Variants in AK9 observed in about 807,000 individuals in gnomAD.
AK9 encodes the protein adenylate kinase 9, also known as adenylate kinase domain containing 1.
A neutral mutation model predicts 239.6 loss-of-function variants in AK9; 191 were observed. The observed-to-expected ratio is 0.80, with a 90% CI of 0.71 to 0.90. The LOEUF is 0.90. Among genes scored for constraint, AK9 ranks in the 40% least tolerant of loss-of-function variants. The probability of loss-of-function intolerance (pLI) is 0.00; values close to 1 mark genes in which losing one functional copy is unlikely to be tolerated. For missense variants in AK9, 1,995 were observed against 2,214.7 expected (o/e 0.90, Z 1.99); for synonymous variants, 689 against 721.0 (o/e 0.96, Z 0.71).
chr6:109,592,810 C>T (rs965684958), intron 17 of AK9, among the ~76,000 whole-genome samples: 7 of 151,612 alleles, frequency 4.6e-5, no homozygotes, highest in Non-Finnish European at 1.0e-4. Flanking sequence ...TTTCCCTTCA[C>T]ATTGACGTTA....
chr6:109,619,314 ATATC>A (rs2128247909), intron 12 of AK9, 78 bp from the exon 13 acceptor site: 12 of 1,347,008 alleles, frequency 8.9e-6, no homozygotes, highest in Non-Finnish European at 1.1e-5. Context: ...CTATCTATGT[ATATC>A]TATCTATATT....
intron 24 of AK9, 117 bp downstream of exon 24, chr6:109,563,480 G>C (rs918314840): frequency 1.2e-4 from 170 of 1,408,862 alleles, no homozygotes; most frequent in Non-Finnish European, 1.5e-4. Context: ...GAGGGAGAAT[G>C]TGTGTGCAAA....
intron 19 of AK9, among the ~76,000 whole-genome samples, chr6:109,583,740 A>G (rs142868963): frequency 1.3e-5 from 2 of 152,254 alleles, no homozygotes; most frequent in East Asian, 3.9e-4. Flanking sequence ...GGTAGAATTG[A>G]CAGAAAGTGG....
intron 12 of AK9, among the ~76,000 whole-genome samples, chr6:109,629,970 T>A: frequency 6.6e-6 from 1 of 152,142 alleles, no homozygotes; most frequent in Non-Finnish European, 1.5e-5. Flanking sequence ...AACCAGGTGA[T>A]GCTTTACAGG....
intron 37 of AK9, 44 bp from the exon 38 acceptor site, chr6:109,497,607 A>G: frequency 7.1e-7 from 1 of 1,412,110 alleles, no homozygotes; most frequent in Non-Finnish European, 9.9e-7. Flanking sequence ...TGTATAATTA[A>G]TATGCAGTCC....
chr6:109,496,860 G>A (rs1777087597), intron 38 of AK9, among the ~76,000 whole-genome samples: 1 of 151,996 alleles, frequency 6.6e-6, no homozygotes, highest in Non-Finnish European at 1.5e-5. Context: ...TTCCAACACG[G>A]ACCTCACTTA....
chr6:109,671,453 C>G (rs1365538303), intron 5 of AK9, among the ~76,000 whole-genome samples: 1 of 152,144 alleles, frequency 6.6e-6, no homozygotes, highest in East Asian at 1.9e-4. Context: ...GTTTCAGGTC[C>G]AGAGTCAGAG....
At chr6:109,685,949 T>A (rs1773447527) in intron 1 of AK9, among the ~76,000 whole-genome samples, 1 of 152,236 alleles carries the variant, frequency 6.6e-6, no homozygotes, top group South Asian at 2.1e-4. Context: ...TTTAACAAGC[T>A]GGTAGTCCCA....
chr6:109,634,157 TC>T (rs1316336348), intron 10 of AK9, among the ~76,000 whole-genome samples: 12 of 152,276 alleles, frequency 7.9e-5, no homozygotes, highest in African/African-American at 2.6e-4. Flanking sequence ...TCACGAGTGC[TC>T]CGCCCTCATG....
intron 1 of AK9, among the ~76,000 whole-genome samples, chr6:109,676,733 ATATT>A (rs1771808180): frequency 6.6e-6 from 1 of 152,140 alleles, no homozygotes; most frequent in South Asian, 2.1e-4. Flanking sequence ...GTATTATTAA[ATATT>A]TAGTTAAAAT....
rs537464540 is a variant in AK9, at chr6:109,658,761, C to T, written c.630+467G>A. Among the ~76,000 whole-genome samples, 4 of 151,836 alleles carry T rather than the reference C, an allele frequency of 2.6e-5. No homozygotes were observed. The South Asian group carries it at 8.3e-4, about 32-fold the overall frequency. ...TGGATATATTCAATTAAATAAAATA[C>T]ATTATTCAAATGACTTTCACTTGCT... On this transcript the variant is annotated intron_variant, in intron 7 of 40. Transcript: ENST00000424296.
intron 17 of AK9, among the ~76,000 whole-genome samples, chr6:109,586,826 G>A (rs960339802): frequency 2.0e-5 from 3 of 152,228 alleles, no homozygotes; most frequent in African/African-American, 7.2e-5. Flanking sequence ...AATTAGTAAT[G>A]TGTATCTATG....
At chr6:109,560,731 T>C (rs1268489597) in intron 24 of AK9, among the ~76,000 whole-genome samples, 1 of 152,196 alleles carries the variant, frequency 6.6e-6, no homozygotes, top group East Asian at 1.9e-4. Flanking sequence ...TTGTTTTTCT[T>C]TCCTTGCTTT....
At chr6:109,495,957 T>C (rs1776988400) in intron 38 of AK9, among the ~76,000 whole-genome samples, 2 of 151,968 alleles carry the variant, frequency 1.3e-5, no homozygotes, top group Non-Finnish European at 2.9e-5. Flanking sequence ...GCATATGCAT[T>C]TAAACATCTT....
At chr6:109,500,056 C>CACAG (rs1554231767) in intron 35 of AK9, among the ~76,000 whole-genome samples, 1 of 151,588 alleles carries the variant, frequency 6.6e-6, no homozygotes, top group Non-Finnish European at 1.5e-5. Context: ...CACACACACA[C>CACAG]ACACACACAC....
chr6:109,559,220 T>C (rs1338950097), intron 24 of AK9, among the ~76,000 whole-genome samples: 2 of 150,256 alleles, frequency 1.3e-5, no homozygotes, highest in African/African-American at 4.9e-5. Context: ...CCAGGCGGAG[T>C]GCAGTGGCAC....
chr6:109,571,286 C>T (rs1787383257), intron 21 of AK9, among the ~76,000 whole-genome samples: 1 of 152,288 alleles, frequency 6.6e-6, no homozygotes, highest in African/African-American at 2.4e-5. Context: ...CTGGACAAAA[C>T]TGGCCACACT....
At chr6:109,600,088 G>C (rs771164778) in intron 17 of AK9, among the ~76,000 whole-genome samples, 1 of 152,040 alleles carries the variant, frequency 6.6e-6, no homozygotes, top group Non-Finnish European at 1.5e-5. Flanking sequence ...CTGCCTGATT[G>C]CCTTGGCCAG....
chr6:109,637,367 T>G (rs566691303), intron 10 of AK9, among the ~76,000 whole-genome samples: 2 of 152,124 alleles, frequency 1.3e-5, no homozygotes, highest in East Asian at 1.9e-4. Context: ...TTGATTGATG[T>G]GTTTTCCTTT....
Sources: gnomAD v4.1 joint callset for allele counts (sites outside exome capture counted in the v4.1 genomes callset) on GRCh38, gnomAD v4.1.1 for gene constraint, MANE v1.5 for transcripts, NCBI Gene and HGNC (gene_info 2026-07-23, HGNC 2026-07-21) for gene names.